CDCP1: variants seen among roughly 807,000 people sequenced by gnomAD.
The protein encoded by CDCP1 is CUB domain-containing protein 1.
Under a neutral mutation model 60.2 loss-of-function variants are expected in CDCP1, and 29 were observed. That is an observed-to-expected ratio of 0.48 (90% confidence interval 0.36 to 0.66). CDCP1 has a LOEUF of 0.66. Among genes scored for constraint, CDCP1 ranks in the 30% least tolerant of loss-of-function variants. The pLI, the probability that CDCP1 is intolerant of heterozygous loss-of-function variation, is 0.00. For missense variants in CDCP1, 876 were observed against 1,074.3 expected, an observed-to-expected ratio of 0.82 and a Z score of 2.58; for synonymous variants, 387 against 431.1, an observed-to-expected ratio of 0.90 and a Z score of 1.27.
intron 6 of CDCP1, among the ~76,000 whole-genome samples, chr3:45,092,326 G>A (rs1321346666): frequency 6.6e-6 from 1 of 152,186 alleles, no homozygotes; most frequent in African/African-American, 2.4e-5. Flanking sequence ...GGTGGGGCTG[G>A]TATAGCCTGA....
intron 1 of CDCP1, among the ~76,000 whole-genome samples, chr3:45,132,245 A>G (rs1699113221): frequency 6.6e-6 from 1 of 152,096 alleles, no homozygotes; most frequent in African/African-American, 2.4e-5. Flanking sequence ...AAAAAAAAAA[A>G]AAAAGACATA....
rs540092059 is a variant in CDCP1, at chr3:45,145,447, G to T, written c.82+759C>A. Among the ~76,000 whole-genome samples, 42 of 152,298 alleles carry T rather than the reference G, an allele frequency of 2.8e-4. No individual in the cohort carries two copies. The South Asian group carries it at 3.1e-3, about 11-fold the overall frequency. On this transcript the variant is annotated intron_variant, in intron 1 of 8. Transcript: ENST00000296129. ...TGGCACAGGTCACTGGGACGTGTTGGTCCCTTCCCCCAACCGAAACAACTC... is the reference window on the plus strand; with the variant it reads ...TGGCACAGGTCACTGGGACGTGTTGTTCCCTTCCCCCAACCGAAACAACTC...
At chr3:45,086,345 C>T (rs561175574) in intron 8 of CDCP1, among the ~76,000 whole-genome samples, 32 of 152,320 alleles carry the variant, frequency 2.1e-4, no homozygotes, top group Admixed American at 4.6e-4. Flanking sequence ...GTGCTCAATT[C>T]GTTTTTGATA....
In CDCP1 at chr3:45,093,496, G is replaced by C; in HGVS notation, c.1408C>G (p.His470Asp). ...VLVPAQKLQQHTHEKPCNTSF... is the reference protein window; with the variant it reads ...VLVPAQKLQQDTHEKPCNTSF... ...GTGTTGCAGGGCTTCTCGTGTGTATGCTGCTGCAGCTTCTGGGCTGGCACC... is the reference window on the plus strand; with the variant it reads ...GTGTTGCAGGGCTTCTCGTGTGTATCCTGCTGCAGCTTCTGGGCTGGCACC... Residue 470 changes from histidine to aspartate, a missense_variant, in exon 6 of 9, where the codon CAT becomes GAT. By Grantham distance (81) the His-to-Asp change is moderately conservative. Around this residue, in one of 2 missense-constraint regions of CDCP1, gnomAD observed 726 missense variants for 935.7 expected, o/e 0.78. Coordinates refer to ENST00000296129, the MANE Select transcript of CDCP1 (RefSeq NM_022842.5). The C allele has an allele frequency of 6.2e-7, 1 of 1,614,130 alleles. No individual in the cohort carries two copies. Among genetic ancestry groups the C allele is most frequent in the South Asian group, 1.1e-5 (1 of 91,086 alleles).
chr3:45,140,166 G>A (rs1282186385), intron 1 of CDCP1, among the ~76,000 whole-genome samples: 1 of 152,212 alleles, frequency 6.6e-6, no homozygotes, highest in African/African-American at 2.4e-5. Flanking sequence ...CAAGGGTTTT[G>A]TGACATGGCA....
At chr3:45,139,132 C>A (rs932696178) in intron 1 of CDCP1, among the ~76,000 whole-genome samples, 1 of 152,180 alleles carries the variant, frequency 6.6e-6, no homozygotes, top group African/African-American at 2.4e-5. Context: ...ACCCCATGAC[C>A]CAACACTTCC....
At chr3:45,146,468 T>A, upstream of CDCP1, 1 of 487,336 alleles carries the variant, frequency 2.1e-6, no homozygotes, top group East Asian at 3.7e-5. Context: ...CTCCTCTCTC[T>A]CCTCCTCCTC....
At chr3:45,117,848 A>G (rs1698819992) in intron 2 of CDCP1, among the ~76,000 whole-genome samples, 1 of 152,054 alleles carries the variant, frequency 6.6e-6, no homozygotes, top group African/African-American at 2.4e-5. Flanking sequence ...TTTTTAGTAG[A>G]GACAGGGTTT....
chr3:45,096,664 C>T (rs1417580542), intron 4 of CDCP1, among the ~76,000 whole-genome samples: 1 of 130,200 alleles, frequency 7.7e-6, no homozygotes, highest in Non-Finnish European at 1.7e-5. Context: ...GATTTGAAAA[C>T]CTAAATATAA....
Position 45,085,831 on chromosome 3 carries a change from G to A in CDCP1, c.2318C>T (p.Pro773Leu). The A allele has an allele frequency of 7.4e-6, 12 of 1,614,106 alleles. No individual in the cohort carries two copies. Among genetic ancestry groups the A allele is most frequent in the Non-Finnish European group, 1.0e-5 (12 of 1,180,016 alleles). The part of the protein sequence containing the change: ...RPFQGTMGVC[P>L]PSPPTICSRA... ...GGAGCATATGGTGGGTGGGGAGGGAGGACAGACCCCCATGGTGCCCTGGAA... is the reference window on the plus strand; with the variant it reads ...GGAGCATATGGTGGGTGGGGAGGGAAGACAGACCCCCATGGTGCCCTGGAA... The change falls in exon 9 of 9, where the codon CCT becomes CTT. Residue 773 changes from proline to leucine, a missense_variant. By Grantham distance (98) the Pro-to-Leu change is moderately conservative. Around this residue, in one of 2 missense-constraint regions of CDCP1, gnomAD observed 726 missense variants for 935.7 expected, o/e 0.78. Transcript: ENST00000296129. This position sits in a 1 kb window ranked among gnomAD's most constrained non-coding sequence, Gnocchi z 4.2.
intron 4 of CDCP1, among the ~76,000 whole-genome samples, chr3:45,100,368 G>A (rs1173262561): frequency 3.9e-5 from 6 of 152,222 alleles, no homozygotes; most frequent in South Asian, 2.1e-4. Flanking sequence ...TCTCTCTTCT[G>A]TCAGCTCAGG....
chr3:45,106,033 C>A (rs577050925), intron 4 of CDCP1, among the ~76,000 whole-genome samples: 46 of 152,288 alleles, frequency 3.0e-4, no homozygotes, highest in Admixed American at 1.8e-3. Context: ...GGTAATTGTA[C>A]ATGACTCAAA....
intron 4 of CDCP1, among the ~76,000 whole-genome samples, chr3:45,095,954 G>A (rs192336934): frequency 6.6e-6 from 1 of 152,300 alleles, no homozygotes; most frequent in East Asian, 1.9e-4. Flanking sequence ...AGATATAAAT[G>A]ACTAAATATT....
intron 1 of CDCP1, among the ~76,000 whole-genome samples, chr3:45,144,093 T>G (rs541630589): frequency 4.6e-5 from 7 of 152,322 alleles, no homozygotes; most frequent in African/African-American, 1.7e-4. Flanking sequence ...GATCCCAATG[T>G]AACCAGTGTT....
intron 1 of CDCP1, among the ~76,000 whole-genome samples, chr3:45,128,288 G>C (rs1699034866): frequency 2.0e-5 from 3 of 152,244 alleles, no homozygotes; most frequent in Admixed American, 2.0e-4. Context: ...GAAGTGCAGA[G>C]ACAACTTGCT....
intron 1 of CDCP1, among the ~76,000 whole-genome samples, chr3:45,130,257 GA>G (rs1037847692): frequency 8.6e-5 from 13 of 151,540 alleles, no homozygotes; most frequent in African/African-American, 3.2e-4. Context: ...GGATAGCTGG[GA>G]CCTCAAACGC....
In CDCP1 at chr3:45,093,476, G is replaced by A. The variant is rs1360049601; in HGVS notation, c.1428C>T (p.Cys476=). Residue 476 remains cysteine, a synonymous_variant, in exon 6 of 9, where the codon TGC becomes TGT. Coordinates refer to ENST00000296129, the MANE Select transcript of CDCP1 (RefSeq NM_022842.5). ...CCACGAGGTAGCTGAAGCTGGTGTT[G>A]CAGGGCTTCTCGTGTGTATGCTGCT... The part of the protein sequence containing the change: ...KLQQHTHEKP[C]NTSFSYLVAS... The A allele has an allele frequency of 6.2e-7, 1 of 1,613,994 alleles. No homozygotes were observed. Among genetic ancestry groups the A allele is most frequent in the African/African-American group, 1.3e-5 (1 of 74,954 alleles).
chr3:45,129,288 A>T (rs13071121), intron 1 of CDCP1, among the ~76,000 whole-genome samples: 18,825 of 152,244 alleles, frequency 0.12, 1,244 homozygotes, highest in African/African-American at 0.17. Flanking sequence ...GGCCATCTTA[A>T]GGCTCCTTGT....
intron 1 of CDCP1, among the ~76,000 whole-genome samples, chr3:45,137,233 G>C (rs1699204306): frequency 6.6e-6 from 1 of 152,108 alleles, no homozygotes; most frequent in African/African-American, 2.4e-5. Flanking sequence ...CCAAAAGGTT[G>C]CATGCCATAT....
Sources: gnomAD v4.1 joint callset for allele counts (sites outside exome capture counted in the v4.1 genomes callset) on GRCh38, gnomAD v4.1.1 for gene constraint, gnomAD v4.1.1 regional missense constraint, Gnocchi (gnomAD v3.1) non-coding constraint, MANE v1.5 for transcripts, NCBI Gene and HGNC (gene_info 2026-07-23, HGNC 2026-07-21) for gene names.